Variants in ANKFY1 observed in about 807,000 individuals in gnomAD.
ANKFY1 encodes the protein ankyrin repeat and FYVE domain-containing protein 1.
ANKFY1 carries 47 observed loss-of-function variants against 128.3 expected under a neutral mutation model. The observed-to-expected ratio is 0.37, with a 90% CI of 0.29 to 0.47. The LOEUF is 0.47. ANKFY1 is among the 20% of genes least tolerant of loss of function. ANKFY1 has a pLI of 1.00. For synonymous variants in ANKFY1, 553 were observed against 601.6 expected (o/e 0.92, Z 1.18); for missense variants, 1,222 against 1,510.6 (o/e 0.81, Z 3.17).
chr17:4,179,216 C>T, intron 17 of ANKFY1, 159 bp from the exon 18 acceptor site: 1 of 745,076 alleles, frequency 1.3e-6, no homozygotes, highest in Non-Finnish European at 2.2e-6. Context: ...AGAGAAATGA[C>T]TAAATGTCAC....
intron 1 of ANKFY1, among the ~76,000 whole-genome samples, chr17:4,260,699 TA>T (rs963737148): frequency 2.1e-5 from 3 of 145,226 alleles, no homozygotes; most frequent in Non-Finnish European, 4.5e-5. Flanking sequence ...AGTTGGGGAA[TA>T]AAACTAATTT....
intron 2 of ANKFY1, among the ~76,000 whole-genome samples, chr17:4,241,311 G>A (rs978595391): frequency 3.8e-5 from 5 of 130,418 alleles, no homozygotes; most frequent in African/African-American, 9.1e-5. Context: ...ATGGAGTCTC[G>A]CTCTGTCGCC....
intron 3 of ANKFY1, among the ~76,000 whole-genome samples, chr17:4,234,268 T>C (rs1444641013): frequency 5.3e-5 from 8 of 152,244 alleles, no homozygotes; most frequent in Admixed American, 5.2e-4. Context: ...ATCCCTGTTA[T>C]TCTCCTCACC....
At chr17:4,182,710 AACC>A (rs2059537316) in intron 14 of ANKFY1, among the ~76,000 whole-genome samples, 1 of 152,234 alleles carries the variant, frequency 6.6e-6, no homozygotes, top group African/African-American at 2.4e-5. Flanking sequence ...TTGAAAATAC[AACC>A]ACAATAAAAA....
intron 3 of ANKFY1, chr17:4,223,870 TGTC>T: frequency 1.1e-6 from 1 of 875,448 alleles, no homozygotes; most frequent in South Asian, 1.6e-5. Flanking sequence ...GAAAGGTGCC[TGTC>T]ATGGATGCTT....
chr17:4,244,788 CCTTT>C (rs1967446496), intron 1 of ANKFY1, among the ~76,000 whole-genome samples: 1 of 152,150 alleles, frequency 6.6e-6, no homozygotes, highest in Non-Finnish European at 1.5e-5. Context: ...ATCCTCAGGA[CCTTT>C]CTTTATCATC....
intron 4 of ANKFY1, among the ~76,000 whole-genome samples, chr17:4,211,953 G>C (rs1401891812): frequency 1.9e-4 from 29 of 152,104 alleles, no homozygotes; most frequent in African/African-American, 7.0e-4. Context: ...AGAGAAGAGA[G>C]AGCTGAAGGC....
intron 1 of ANKFY1, among the ~76,000 whole-genome samples, chr17:4,255,366 C>T (rs1429477327): frequency 1.3e-5 from 2 of 151,438 alleles, no homozygotes; most frequent in Admixed American, 6.6e-5. Context: ...CCTGCCTCAG[C>T]CTCCTGAAGC....
chr17:4,182,800 T>C (rs1373808765), intron 14 of ANKFY1, among the ~76,000 whole-genome samples: 1 of 152,216 alleles, frequency 6.6e-6, no homozygotes, highest in East Asian at 1.9e-4. Flanking sequence ...GTAACTGAAA[T>C]TCCTTGTTAA....
At chr17:4,171,714 C>T (rs1315081945) in intron 22 of ANKFY1, among the ~76,000 whole-genome samples, 1 of 152,214 alleles carries the variant, frequency 6.6e-6, no homozygotes, top group Non-Finnish European at 1.5e-5. Flanking sequence ...GGGCGGACTC[C>T]TCTGAAGCTT....
chr17:4,226,217 C>T (rs1331811326), intron 3 of ANKFY1, among the ~76,000 whole-genome samples: 3 of 152,112 alleles, frequency 2.0e-5, no homozygotes, highest in African/African-American at 7.2e-5. Flanking sequence ...TTACCACTCT[C>T]CTTTAAGGAA....
chr17:4,184,783 A>G (rs1217870543), intron 12 of ANKFY1, 35 bp downstream of exon 12: 1 of 1,594,660 alleles, frequency 6.3e-7, no homozygotes, highest in Non-Finnish European at 8.6e-7. Context: ...GCTGTCCCCA[A>G]GTCAAAAGGA....
intron 3 of ANKFY1, chr17:4,222,001 TGGA>T (rs2060323430): frequency 6.6e-6 from 1 of 152,222 alleles, no homozygotes; most frequent in South Asian, 2.1e-4. Context: ...CGGCGCGCTC[TGGA>T]GGTCTGAAGC....
chr17:4,193,956 C>T (rs1259952451), intron 10 of ANKFY1, among the ~76,000 whole-genome samples: 1 of 151,108 alleles, frequency 6.6e-6, no homozygotes, highest in African/African-American at 2.4e-5. Context: ...CAGGCTTTCA[C>T]CATGTTGGCC....
chr17:4,254,391 G>C (rs1968008973), intron 1 of ANKFY1, among the ~76,000 whole-genome samples: 2 of 151,138 alleles, frequency 1.3e-5, no homozygotes, highest in South Asian at 2.1e-4. Context: ...ACAGAACAGA[G>C]AGAAATTTGA....
intron 1 of ANKFY1, among the ~76,000 whole-genome samples, chr17:4,251,234 A>AAT (rs1967808817): frequency 6.6e-6 from 1 of 152,218 alleles, no homozygotes; most frequent in Admixed American, 6.5e-5. Context: ...CCCTATTCCT[A>AAT]GACACCACTA....
intron 3 of ANKFY1, among the ~76,000 whole-genome samples, chr17:4,233,749 G>T (rs55964241): frequency 6.6e-6 from 1 of 152,214 alleles, no homozygotes; most frequent in Non-Finnish European, 1.5e-5. Flanking sequence ...TACAGCCCTG[G>T]TCTGAAATGA....
chr17:4,247,682 G>C (rs1967622251), intron 1 of ANKFY1, among the ~76,000 whole-genome samples: 1 of 152,160 alleles, frequency 6.6e-6, no homozygotes, highest in African/African-American at 2.4e-5. Context: ...AAGCTGTACA[G>C]TTCTTACAAG....
intron 4 of ANKFY1, among the ~76,000 whole-genome samples, chr17:4,210,708 CAAAAAAA>C (rs371731375): frequency 7.1e-5 from 3 of 42,452 alleles, no homozygotes; most frequent in Non-Finnish European, 1.1e-4. Context: ...AACTCTGTCG[CAAAAAAA>C]AAAAAAAAAA....
Sources: allele counts gnomAD v4.1 joint callset (sites outside exome capture counted in the v4.1 genomes callset), GRCh38; gene constraint gnomAD v4.1.1; transcripts MANE v1.5; gene names NCBI Gene and HGNC (gene_info 2026-07-23, HGNC 2026-07-21).